Variants in TMEM132C observed in about 807,000 individuals in gnomAD.
TMEM132C encodes the protein protein phosphatase 1, regulatory subunit 152.
TMEM132C carries 29 observed loss-of-function variants against 61.4 expected under a neutral mutation model. The ratio of observed to expected loss-of-function variants is 0.47; its 90% CI spans 0.35 to 0.64. The LOEUF (loss-of-function observed/expected upper bound fraction) is 0.64. Among genes scored for constraint, TMEM132C ranks in the 30% least tolerant of loss-of-function variants. The pLI, the probability that TMEM132C is intolerant of heterozygous loss-of-function variation, is 0.00. For missense variants in TMEM132C, 1,408 were observed against 1,476.9 expected, an observed-to-expected ratio of 0.95 and a Z score of 0.76; for synonymous variants, 656 against 633.1, an observed-to-expected ratio of 1.04 and a Z score of -0.54.
chr12:128,560,456 G>C (rs954993818), intron 3 of TMEM132C, among the ~76,000 whole-genome samples: 14 of 152,180 alleles, frequency 9.2e-5, no homozygotes, highest in African/African-American at 3.4e-4. Flanking sequence ...TTCTACCCCA[G>C]GGCTCTTGGA....
At chr12:128,587,746 C>A (rs921820756) in intron 3 of TMEM132C, among the ~76,000 whole-genome samples, 2 of 152,124 alleles carry the variant, frequency 1.3e-5, no homozygotes, top group Non-Finnish European at 2.9e-5. Context: ...TTTATATTGG[C>A]AAGGGAATCT....
intron 2 of TMEM132C, among the ~76,000 whole-genome samples, chr12:128,442,129 G>GA: frequency 6.6e-6 from 1 of 152,164 alleles, no homozygotes; most frequent in East Asian, 1.9e-4. Flanking sequence ...TTTCTTCTGT[G>GA]AAAAAGGAAT....
At position 128,549,490 on chromosome 12, in the gene TMEM132C, A is replaced by G. The variant is rs574142711; in HGVS notation, c.1121+5387A>G. Among the ~76,000 whole-genome samples the G allele has an allele frequency of 2.0e-5, 3 of 152,214 alleles. No homozygotes were observed. The East Asian group carries it at 5.8e-4, about 30-fold the overall frequency. ...TCTTGCACAGTTTCCATCTGTGGGA[A>G]GCTTTAGACATCCCCTTTCCCATGT... is the stretch of plus-strand genomic sequence containing the variant. On this transcript the variant is annotated intron_variant, in intron 3 of 8. Coordinates refer to ENST00000435159, the MANE Select transcript of TMEM132C (RefSeq NM_001136103.3).
chr12:128,669,831 A>C (rs1954514355), intron 5 of TMEM132C, among the ~76,000 whole-genome samples: 1 of 152,268 alleles, frequency 6.6e-6, no homozygotes, highest in Non-Finnish European at 1.5e-5. Flanking sequence ...TATAATGCAC[A>C]ACATATTATT....
chr12:128,406,990 G>A (rs925569829), intron 1 of TMEM132C, among the ~76,000 whole-genome samples: 3 of 152,186 alleles, frequency 2.0e-5, no homozygotes, highest in Non-Finnish European at 4.4e-5. Flanking sequence ...TAAGATTGTT[G>A]TGAAGAGCTA....
rs576188638 is a variant in TMEM132C, at chr12:128,292,725, A to G, written c.85+25238A>G. 3.3e-5 allele frequency among the ~76,000 whole-genome samples: 5 copies of G among 152,114 alleles called. No individual in the cohort carries two copies. In the East Asian group the frequency reaches 9.7e-4, roughly 29 times the overall value. On this transcript the variant is annotated intron_variant, in intron 1 of 8. Transcript: ENST00000435159. Reference sequence around the variant, plus strand: ...CCTAAATTCCTAGATGAGGTACTTCATAAGTGTACTTAGTACCTAGGTACC... The same window carrying G: ...CCTAAATTCCTAGATGAGGTACTTCGTAAGTGTACTTAGTACCTAGGTACC...
intron 4 of TMEM132C, among the ~76,000 whole-genome samples, chr12:128,629,696 G>A (rs923971139): frequency 2.0e-5 from 3 of 151,800 alleles, no homozygotes; most frequent in South Asian, 4.2e-4. Flanking sequence ...GTCCAGGCAC[G>A]GTGGCTCACG....
rs111774892 is a variant in TMEM132C, at chr12:128,555,045, A to G, written c.1121+10942A>G. The stretch of plus-strand genomic sequence containing the variant: ...GAACAGAAGCAGCTGCTGCATCCCC[A>G]AGCTCCTTAATTCAAGAGCCAGCAT... On this transcript the variant is annotated intron_variant, in intron 3 of 8. Coordinates refer to ENST00000435159, the MANE Select transcript of TMEM132C (RefSeq NM_001136103.3). 2.4e-3 allele frequency among the ~76,000 whole-genome samples: 358 copies of G among 152,198 alleles called. 5 individuals carry two copies. Among genetic ancestry groups the G allele is most frequent in the African/African-American group, 8.2e-3 (339 of 41,554 alleles).
At chr12:128,331,971 C>T (rs1872675310) in intron 1 of TMEM132C, among the ~76,000 whole-genome samples, 1 of 152,152 alleles carries the variant, frequency 6.6e-6, no homozygotes, top group South Asian at 2.1e-4. Flanking sequence ...TATCTTTCTC[C>T]AGTTTATTTT....
chr12:128,366,838 G>A (rs1873887945), intron 1 of TMEM132C, among the ~76,000 whole-genome samples: 1 of 152,214 alleles, frequency 6.6e-6, no homozygotes, highest in African/African-American at 2.4e-5. Flanking sequence ...GGGAAAGAGA[G>A]TCCTGAGTCG....
intron 1 of TMEM132C, among the ~76,000 whole-genome samples, chr12:128,410,714 G>GT (rs1322542896): frequency 6.6e-6 from 1 of 151,994 alleles, no homozygotes; most frequent in Non-Finnish European, 1.5e-5. Context: ...CTGAATATGT[G>GT]TTTTTTAAAA....
intron 1 of TMEM132C, among the ~76,000 whole-genome samples, chr12:128,370,452 C>T (rs1905942): frequency 0.76 from 115,789 of 151,798 alleles, 46,007 homozygotes; most frequent in Non-Finnish European, 0.9. Context: ...ACAAACAAGA[C>T]GTTTCAAGGT....
intron 2 of TMEM132C, among the ~76,000 whole-genome samples, chr12:128,541,875 G>T (rs896290017): frequency 1.3e-5 from 2 of 152,100 alleles, no homozygotes; most frequent in African/African-American, 4.8e-5. Flanking sequence ...AGTCTAGGGG[G>T]ACCCGCCTGC....
In TMEM132C at chr12:128,434,811, G is replaced by A. The variant is rs879850313; in HGVS notation, c.974+19191G>A. The stretch of plus-strand genomic sequence containing the variant: ...TTATTTTTGGTATTTTAGTAGAGAC[G>A]GGGTTTCACCGTGTTGCCTAGGCTG... On this transcript the variant is annotated intron_variant, in intron 2 of 8. Transcript: ENST00000435159. Among the ~76,000 whole-genome samples, 12 of 151,156 alleles carry A rather than the reference G, an allele frequency of 7.9e-5. No individual in the cohort carries two copies. In the East Asian group the frequency reaches 9.8e-4, roughly 12 times the overall value.
At chr12:128,574,683 A>G (rs1231751188) in intron 3 of TMEM132C, among the ~76,000 whole-genome samples, 1 of 152,098 alleles carries the variant, frequency 6.6e-6, no homozygotes, top group African/African-American at 2.4e-5. Context: ...GTTCCATAAG[A>G]TCTAGATTGA....
chr12:128,399,851 A>G (rs1269907243), intron 1 of TMEM132C: 1 of 152,084 alleles, frequency 6.6e-6, no homozygotes, highest in African/African-American at 2.4e-5. Flanking sequence ...TGTTTTTGAC[A>G]TGTGAAATTC....
At chr12:128,413,913 A>C (rs1225112811) in intron 1 of TMEM132C, among the ~76,000 whole-genome samples, 1 of 152,206 alleles carries the variant, frequency 6.6e-6, no homozygotes, top group African/African-American at 2.4e-5. Flanking sequence ...ATAATTGTGA[A>C]GCTCTTCCTA....
chr12:128,434,334 C>T (rs562398011), intron 2 of TMEM132C, among the ~76,000 whole-genome samples: 6 of 152,334 alleles, frequency 3.9e-5, no homozygotes, highest in Non-Finnish European at 7.3e-5. Flanking sequence ...GAGTTTCTCT[C>T]TTGTCGCCCA....
chr12:128,272,284 AT>A (rs11289989), intron 1 of TMEM132C, among the ~76,000 whole-genome samples: 28,512 of 152,148 alleles, frequency 0.19, 4,308 homozygotes, highest in African/African-American at 0.42. Flanking sequence ...ATCATGCAGT[AT>A]GCAGCTTTTG....
Sources: allele counts gnomAD v4.1 joint callset (sites outside exome capture counted in the v4.1 genomes callset), GRCh38; gene constraint gnomAD v4.1.1; transcripts MANE v1.5; gene names NCBI Gene and HGNC (gene_info 2026-07-23, HGNC 2026-07-21).